Variants in SEC31B observed in about 807,000 individuals in gnomAD.
The protein encoded by SEC31B is protein transport protein Sec31B.
In SEC31B, 113 loss-of-function variants were observed where a neutral mutation model predicts 135.0. That is an observed-to-expected ratio of 0.84 (90% confidence interval 0.72 to 0.98). The LOEUF (loss-of-function observed/expected upper bound fraction) is 0.98. SEC31B is among the 50% of genes least tolerant of loss of function. The pLI, the probability that SEC31B is intolerant of heterozygous loss-of-function variation, is 0.00. For synonymous variants in SEC31B, 508 were observed against 549.4 expected (o/e 0.92, Z 1.05); for missense variants, 1,296 against 1,421.1 (o/e 0.91, Z 1.42).
chr10:100,502,341 C>G lies in SEC31B; in HGVS notation c.1323G>C (p.Leu441Phe), dbSNP rs1851538788. 2 of 1,614,142 alleles carry G rather than the reference C, an allele frequency of 1.2e-6. No individual in the cohort carries two copies. Among genetic ancestry groups the G allele is most frequent in the East Asian group, 4.5e-5 (2 of 44,886 alleles). The change falls in exon 11 of 26, where the codon TTG becomes TTC. Residue 441 changes from leucine to phenylalanine, a missense_variant. Coordinates refer to ENST00000370345, the MANE Select transcript of SEC31B (RefSeq NM_015490.4). Reference protein sequence around the residue: ...LMRSAELQEALGSGNLLNYCQ... With the variant: ...LMRSAELQEAFGSGNLLNYCQ... ...AGTAATTCAGTAGATTTCCTGATCCCAAGGCCTCCTGCAGCTCAGCTGATC... is the reference window on the plus strand; with the variant it reads ...AGTAATTCAGTAGATTTCCTGATCCGAAGGCCTCCTGCAGCTCAGCTGATC...
At chr10:100,489,066 C>T in intron 23 of SEC31B, 92 bp from the exon 24 acceptor site, 2 of 1,518,376 alleles carry the variant, frequency 1.3e-6, no homozygotes, top group Non-Finnish European at 1.8e-6. Flanking sequence ...CTCACAGTCA[C>T]ACTGTTCCCA....
At chr10:100,489,825 G>A in intron 21 of SEC31B, 64 bp from the exon 22 acceptor site, 1 of 1,609,476 alleles carries the variant, frequency 6.2e-7, no homozygotes, top group Non-Finnish European at 8.5e-7. Flanking sequence ...TTTTTTATCT[G>A]AAGGCTGGAA....
chr10:100,487,772 C>T lies in SEC31B; in HGVS notation c.3384G>A (p.Gly1128=). ...EGTLSPHVVA[G]LHEVARCVDA... is the part of the protein sequence containing the mutation. ...CCACACATCGGGCAACCTCATGGAGCCCAGCCACGACATGAGGTGAGAGCT... is the reference window on the plus strand; with the variant it reads ...CCACACATCGGGCAACCTCATGGAGTCCAGCCACGACATGAGGTGAGAGCT... Residue 1128 remains glycine, a synonymous_variant, in exon 26 of 26, where the codon GGG becomes GGA. Coordinates refer to ENST00000370345, the MANE Select transcript of SEC31B (RefSeq NM_015490.4). 6.2e-7 allele frequency: 1 copy of T among 1,614,044 alleles called. No individual in the cohort carries two copies.
At chr10:100,517,352 T>C (rs1851869450) in intron 1 of SEC31B, among the ~76,000 whole-genome samples, 1 of 152,096 alleles carries the variant, frequency 6.6e-6, no homozygotes, top group Non-Finnish European at 1.5e-5. Context: ...AAGCTCCAAG[T>C]TCTTATATGC....
At position 100,490,744 on chromosome 10, in the gene SEC31B, G is replaced by C. The variant is rs770192418; in HGVS notation, c.2612C>G (p.Ala871Gly). The stretch of plus-strand genomic sequence containing the variant: ...AGGGCTCAAAGGCAAAGGCTGGATG[G>C]CCTGGGGCCCAGGTGCCCTGTAGTC... Reference protein sequence around the residue: ...ISDYRAPGPQAIQPLPLSPGV... With the variant: ...ISDYRAPGPQGIQPLPLSPGV... Residue 871 changes from alanine (A) to glycine (G), a missense_variant, in exon 20 of 26, where the codon GCC (alanine) becomes GGC (glycine). Coordinates refer to ENST00000370345, the MANE Select transcript of SEC31B (RefSeq NM_015490.4). 5.0e-6 allele frequency: 8 copies of C among 1,604,334 alleles called. No homozygotes were observed. The South Asian group carries it at 8.9e-5, about 18-fold the overall frequency.
chr10:100,488,774 ACACAAGGAACTGGTC>A (rs1851240366), intron 24 of SEC31B, 69 bp downstream of exon 24: 1 of 1,467,134 alleles, frequency 6.8e-7, no homozygotes, highest in Admixed American at 2.5e-5. Context: ...GAAGAGAGTC[ACACAAGGAACTGGTC>A]CACAGCTGAG....
At chr10:100,510,569 A>C (rs1326110093) in intron 3 of SEC31B, among the ~76,000 whole-genome samples, 2 of 152,206 alleles carry the variant, frequency 1.3e-5, no homozygotes, top group African/African-American at 4.8e-5. Flanking sequence ...CTAGCCAAGG[A>C]CATTTCCACA....
Position 100,495,388 on chromosome 10 carries a change from G to A in SEC31B, c.2469C>T (p.His823=), listed in dbSNP as rs761670444. The A allele has an allele frequency of 6.2e-7, 1 of 1,613,338 alleles. No individual in the cohort carries two copies. Among genetic ancestry groups the A allele is most frequent in the Non-Finnish European group, 8.5e-7 (1 of 1,179,766 alleles). Residue 823 remains histidine, a synonymous_variant, in exon 19 of 26, where the codon CAC becomes CAT. Transcript: ENST00000370345. ...SSYRLGSQPS[H]QVPTPSPRPR... ...GAATGAACAAACGAGGTCTTACCTG[G>A]TGAGAAGGCTGGGATCCCAATCTGT...
rs995883852 is a variant in SEC31B at position 100,498,309 on chromosome 10, G to T, written c.1685-102C>A. 5.0e-5 allele frequency: 57 copies of T among 1,133,038 alleles called. No individual in the cohort carries two copies. The East Asian group carries it at 1.2e-3, about 24-fold the overall frequency. 70.2% of individuals were successfully genotyped at this position (1,133,038 alleles called of 1,614,324 possible). On this transcript the variant is annotated intron_variant, in intron 14 of 25. Transcript: ENST00000370345. ...ACCCTCTATATCTCTATATCACTCAGTGTGCTTGGCTCCAAACTAAATCCT... is the reference window on the plus strand; with the variant it reads ...ACCCTCTATATCTCTATATCACTCATTGTGCTTGGCTCCAAACTAAATCCT...
intron 17 of SEC31B, 112 bp downstream of exon 17, chr10:100,497,023 C>T (rs1851422430): frequency 2.3e-6 from 3 of 1,316,912 alleles, no homozygotes; most frequent in African/African-American, 1.4e-5. Context: ...TCCCTAACAC[C>T]GTGGTTCCAG....
chr10:100,504,751 G>C (rs990358683), intron 10 of SEC31B, among the ~76,000 whole-genome samples: 1 of 152,046 alleles, frequency 6.6e-6, no homozygotes, highest in Non-Finnish European at 1.5e-5. Flanking sequence ...GGAGGAGATA[G>C]TATTTAAGAG....
At chr10:100,513,719 C>T (rs533409335) in intron 3 of SEC31B, among the ~76,000 whole-genome samples, 1 of 152,156 alleles carries the variant, frequency 6.6e-6, no homozygotes, top group South Asian at 2.1e-4. Context: ...ATCCACCCGT[C>T]TCAGCCTCCC....
chr10:100,504,539 T>C (rs777842111), intron 10 of SEC31B, among the ~76,000 whole-genome samples: 22 of 152,178 alleles, frequency 1.4e-4, no homozygotes, highest in Non-Finnish European at 2.8e-4. Flanking sequence ...TGCACATTAA[T>C]AGTTTGTGAA....
At chr10:100,505,682 T>G (rs1002613082) in intron 9 of SEC31B, 187 bp from the exon 10 acceptor site, 1 of 1,413,666 alleles carries the variant, frequency 7.1e-7, no homozygotes, top group Non-Finnish European at 9.2e-7. Context: ...AAGTAGGCTC[T>G]TGGAAAGACT....
At chr10:100,503,019 C>T (rs922501351) in intron 10 of SEC31B, among the ~76,000 whole-genome samples, 7 of 152,162 alleles carry the variant, frequency 4.6e-5, no homozygotes, top group Admixed American at 2.0e-4. Context: ...CACAAGGCCA[C>T]AGGAAAGAGC....
At position 100,497,865 on chromosome 10, in the gene SEC31B, C is replaced by T. The variant is rs188373988; in HGVS notation, c.1864-72G>A. On this transcript the variant is annotated intron_variant, in intron 15 of 25. Coordinates refer to ENST00000370345, the MANE Select transcript of SEC31B (RefSeq NM_015490.4). The stretch of plus-strand genomic sequence containing the variant: ...ATAGGCAGCAGGATTCCTGCACAGG[C>T]CTCCTGTTAGAGCACTGAGTAGGGG... 2.5e-5 allele frequency: 40 copies of T among 1,610,224 alleles called. No individual in the cohort carries two copies. The East Asian group carries it at 8.5e-4, about 34-fold the overall frequency.
rs140387838 is a variant in SEC31B at position 100,489,342 on chromosome 10, G to C, written c.3081C>G (p.Thr1027=). 6.2e-7 allele frequency: 1 copy of C among 1,613,882 alleles called. No individual in the cohort carries two copies. The highest frequency in any genetic ancestry group is 1.7e-5 in the Admixed American group (1 of 59,972). Residue 1027 remains threonine (T), a synonymous_variant, in exon 23 of 26, where the codon ACC becomes ACG. Coordinates refer to ENST00000370345, the MANE Select transcript of SEC31B (RefSeq NM_015490.4). ...AGGGAAGAATCCCTTGTAGCTCAGG[G>C]GTGAGGCTCATAACTGGAGCAGTAA... ...APITAPVMSL[T]PELQGILPSQ... is the part of the protein sequence containing the mutation.
At position 100,511,612 on chromosome 10, in the gene SEC31B, T is replaced by A. The variant is rs189547537; in HGVS notation, c.204-2101A>T. Among the ~76,000 whole-genome samples, 17 of 152,262 alleles carry A rather than the reference T, an allele frequency of 1.1e-4. 1 individual carries two copies. The highest frequency in any genetic ancestry group is 3.1e-4 in the African/African-American group (13 of 41,564). The stretch of plus-strand genomic sequence containing the variant: ...AAGTGAGACCCTATGTCTATTTTTT[T>A]AAAAAAGAAAGAAATATCTGCTGTA... On this transcript the variant is annotated intron_variant, in intron 3 of 25. Transcript: ENST00000370345.
intron 11 of SEC31B, chr10:100,501,831 A>C: frequency 5.5e-6 from 1 of 180,434 alleles, no homozygotes; most frequent in Non-Finnish European, 1.2e-5. Flanking sequence ...ACTTGAAACC[A>C]ACTCAAAGCC....
Sources: gnomAD v4.1 joint callset for allele counts (sites outside exome capture counted in the v4.1 genomes callset) on GRCh38, gnomAD v4.1.1 for gene constraint, MANE v1.5 for transcripts, NCBI Gene and HGNC (gene_info 2026-07-23, HGNC 2026-07-21) for gene names.